The following TAF15 variants were observed in gnomAD, a reference collection of about 807,000 sequenced individuals.
The protein encoded by TAF15 is TATA-binding protein-associated factor 2N.
A neutral mutation model predicts 102.5 loss-of-function variants in TAF15; 37 were observed. That is an observed-to-expected ratio of 0.36 (90% CI 0.28 to 0.47). The LOEUF (loss-of-function observed/expected upper bound fraction) is 0.47, where lower values mean the gene tolerates loss of function less well. TAF15 is among the 20% of genes least tolerant of loss of function. TAF15 has a pLI of 0.99. For missense variants in TAF15, 652 were observed against 760.7 expected, an observed-to-expected ratio of 0.86 and a Z score of 1.68; for synonymous variants, 273 against 259.2, an observed-to-expected ratio of 1.05 and a Z score of -0.51.
At chr17:35,830,912 T>C (rs1357467979) in intron 7 of TAF15, among the ~76,000 whole-genome samples, 3 of 152,218 alleles carry the variant, frequency 2.0e-5, no homozygotes, top group African/African-American at 4.8e-5. Flanking sequence ...GACAGACCCT[T>C]ATTTTGTTAA....
chr17:35,834,378 A>G, intron 8 of TAF15, 188 bp from the exon 9 acceptor site: 1 of 603,230 alleles, frequency 1.7e-6, no homozygotes, highest in Non-Finnish European at 2.9e-6. Context: ...AAATGTTGAC[A>G]TTCATCTTGA....
intron 6 of TAF15, among the ~76,000 whole-genome samples, 179 bp downstream of exon 6, chr17:35,823,012 G>A (rs182933537): frequency 6.6e-6 from 1 of 152,312 alleles, no homozygotes; most frequent in African/African-American, 2.4e-5. Context: ...TCTGAACTTG[G>A]AGGCCCTCAG....
At chr17:35,823,534 C>T (rs1361869284) in intron 6 of TAF15, 1 of 166,704 alleles carries the variant, frequency 6.0e-6, no homozygotes, top group African/African-American at 2.4e-5. Flanking sequence ...CCTGTCTCTA[C>T]TAAAAATACA....
chr17:35,812,802 TTAAAA>T (rs1398678130), intron 1 of TAF15, among the ~76,000 whole-genome samples: 4 of 151,886 alleles, frequency 2.6e-5, no homozygotes, highest in Non-Finnish European at 4.4e-5. Flanking sequence ...TTTAAAATTG[TTAAAA>T]TAAACCTAAA....
intron 11 of TAF15, among the ~76,000 whole-genome samples, chr17:35,840,142 C>T (rs1013966980): frequency 1.3e-5 from 2 of 151,930 alleles, no homozygotes; most frequent in Non-Finnish European, 2.9e-5. Context: ...TGGATCTACT[C>T]TTTCCAAAGT....
intron 2 of TAF15, 79 bp downstream of exon 2, chr17:35,817,834 G>A (rs1159158023): frequency 8.2e-7 from 1 of 1,221,796 alleles, no homozygotes; most frequent in South Asian, 1.2e-5. Flanking sequence ...CTTGAGACTT[G>A]ATGCTGGATG....
intron 2 of TAF15, chr17:35,818,529 C>T (rs2087221443): frequency 6.6e-6 from 1 of 152,114 alleles, no homozygotes; most frequent in Non-Finnish European, 1.5e-5. Flanking sequence ...AATTTAATGT[C>T]AGACGCTATG....
At chr17:35,834,251 T>C (rs1213386049) in intron 8 of TAF15, 3 of 382,876 alleles carry the variant, frequency 7.8e-6, no homozygotes, top group Non-Finnish European at 1.4e-5. Flanking sequence ...TAAAGGTAGC[T>C]GACATGGTGT....
intron 7 of TAF15, among the ~76,000 whole-genome samples, chr17:35,825,403 A>G (rs1157966585): frequency 6.6e-6 from 1 of 152,226 alleles, no homozygotes; most frequent in Non-Finnish European, 1.5e-5. Context: ...GTAAAGTGAC[A>G]TGGTGCTTAC....
In TAF15 at chr17:35,820,015, C is replaced by T. The variant is rs779386483; in HGVS notation, c.48-9C>T. ...CATTTCTTTCAAGTATTAAATTTTT[C>T]TTTTGCAGTTATTCTACCTATGGAA... On this transcript the variant is annotated splice_polypyrimidine_tract_variant and intron_variant, in intron 2 of 15. Coordinates refer to ENST00000605844, the MANE Select transcript of TAF15 (RefSeq NM_139215.3). 1.1e-5 allele frequency: 18 copies of T among 1,613,250 alleles called. No individual in the cohort carries two copies. Among genetic ancestry groups the T allele is most frequent in the Admixed American group, 1.7e-5 (1 of 59,952 alleles).
rs1422962730 is a variant in TAF15 at position 35,843,009 on chromosome 17, A to C, written c.1006+550A>C. Among the ~76,000 whole-genome samples, 3 of 152,112 alleles carry C rather than the reference A, an allele frequency of 2.0e-5. No individual in the cohort carries two copies. The East Asian group carries it at 5.8e-4, about 29-fold the overall frequency. On this transcript the variant is annotated intron_variant, in intron 12 of 15. Transcript: ENST00000605844. ...CTTCCAAAGTGCTGGGATTGCAGGC[A>C]TGAGCCACCGTGCTTGGCGAGGCAA...
chr17:35,841,739 C>G (rs1241939990), intron 11 of TAF15, among the ~76,000 whole-genome samples: 1 of 147,364 alleles, frequency 6.8e-6, no homozygotes, highest in Non-Finnish European at 1.5e-5. Flanking sequence ...ACACTGTCTT[C>G]CAGGCTAGTA....
chr17:35,819,357 T>C (rs1371630082), intron 2 of TAF15, among the ~76,000 whole-genome samples: 3 of 152,212 alleles, frequency 2.0e-5, no homozygotes, highest in African/African-American at 7.2e-5. Context: ...TGTTAGAGCT[T>C]ATATACTATA....
chr17:35,828,649 T>C (rs781382562), intron 7 of TAF15, among the ~76,000 whole-genome samples: 8 of 152,234 alleles, frequency 5.3e-5, no homozygotes, highest in Non-Finnish European at 7.4e-5. Context: ...GAGGATTGCT[T>C]GAGCCCAGGA....
At chr17:35,824,025 G>T in intron 6 of TAF15, 53 bp from the exon 7 acceptor site, 1 of 1,613,214 alleles carries the variant, frequency 6.2e-7, no homozygotes, top group South Asian at 1.1e-5. Flanking sequence ...ATTGTTATTT[G>T]AAGCTTTAGA....
chr17:35,829,655 A>AAGAG (rs1444076826), intron 7 of TAF15, among the ~76,000 whole-genome samples: 2 of 135,528 alleles, frequency 1.5e-5, no homozygotes, highest in African/African-American at 6.0e-5. Flanking sequence ...AAAAAAAAAA[A>AAGAG]AGAGAGAGAG....
At chr17:35,840,788 C>T (rs1021513411) in intron 11 of TAF15, among the ~76,000 whole-genome samples, 1 of 151,722 alleles carries the variant, frequency 6.6e-6, no homozygotes, top group African/African-American at 2.4e-5. Flanking sequence ...TGCTTGAACC[C>T]GGGAGTTGGA....
chr17:35,831,955 G>A (rs1381395402), intron 7 of TAF15, among the ~76,000 whole-genome samples: 1 of 152,124 alleles, frequency 6.6e-6, no homozygotes, highest in African/African-American at 2.4e-5. Context: ...GGTGGCGCCT[G>A]CAGTCCCAGC....
chr17:35,812,458 G>A (rs1173541574), intron 1 of TAF15, among the ~76,000 whole-genome samples: 4 of 151,624 alleles, frequency 2.6e-5, no homozygotes, highest in African/African-American at 9.7e-5. Flanking sequence ...CATCCTACAT[G>A]CCTGTAATCC....
Sources: allele counts gnomAD v4.1 joint callset (sites outside exome capture counted in the v4.1 genomes callset), GRCh38; gene constraint gnomAD v4.1.1; transcripts MANE v1.5; gene names NCBI Gene and HGNC (gene_info 2026-07-23, HGNC 2026-07-21).